Variants in EPHX4 observed in about 807,000 individuals in gnomAD.
EPHX4 encodes abhydrolase domain containing 7.
Under a neutral mutation model 44.9 loss-of-function variants are expected in EPHX4, and 31 were observed. That is an observed-to-expected ratio of 0.69 (90% confidence interval 0.52 to 0.93). The LOEUF is 0.93. Ranked by LOEUF, EPHX4 falls within the 40% of genes least tolerant of loss-of-function variation. EPHX4 has a pLI of 0.00. For synonymous variants in EPHX4, 151 were observed against 159.7 expected (o/e 0.95, Z 0.41); for missense variants, 373 against 438.1 (o/e 0.85, Z 1.33).
intron 3 of EPHX4, among the ~76,000 whole-genome samples, chr1:92,045,124 G>C (rs973553127): frequency 6.6e-6 from 1 of 151,938 alleles, no homozygotes; most frequent in Admixed American, 6.6e-5. Flanking sequence ...CACCACACCT[G>C]GATAATTTCT....
At position 92,063,389 on chromosome 1, in the gene EPHX4, A is replaced by G; in HGVS notation, c.*103A>G. Reference sequence around the variant, plus strand: ...GTTTTATTAGAAAAAAACTGTTTTAATGTGCTTTATCATAAATAAATATCC... The same window carrying G: ...GTTTTATTAGAAAAAAACTGTTTTAGTGTGCTTTATCATAAATAAATATCC... On this transcript the variant is annotated 3_prime_UTR_variant, in exon 7 of 7. Transcript: ENST00000370383. 1.2e-6 allele frequency: 1 copy of G among 868,712 alleles called. No individual in the cohort carries two copies. The highest frequency in any genetic ancestry group is 1.7e-6 in the Non-Finnish European group (1 of 589,612). 53.8% of individuals were successfully genotyped at this position (868,712 alleles called of 1,614,324 possible).
At chr1:92,034,432 T>C (rs1688407457) in intron 2 of EPHX4, among the ~76,000 whole-genome samples, 1 of 152,072 alleles carries the variant, frequency 6.6e-6, no homozygotes, top group South Asian at 2.1e-4. Flanking sequence ...AAAGCCCAGT[T>C]CCCTTAGTTG....
intron 6 of EPHX4, among the ~76,000 whole-genome samples, chr1:92,058,797 A>C (rs1647427334): frequency 6.6e-6 from 1 of 152,202 alleles, no homozygotes; most frequent in Admixed American, 6.5e-5. Flanking sequence ...CAAAACCTCT[A>C]TTAAAATGGT....
At chr1:92,057,825 T>A (rs1336461236) in intron 6 of EPHX4, among the ~76,000 whole-genome samples, 1 of 152,110 alleles carries the variant, frequency 6.6e-6, no homozygotes, top group South Asian at 2.1e-4. Context: ...GTCTCGGAAC[T>A]CCTGACCTCA....
chr1:92,042,544 G>C (rs1385569464), intron 2 of EPHX4, among the ~76,000 whole-genome samples: 1 of 151,860 alleles, frequency 6.6e-6, no homozygotes, highest in Non-Finnish European at 1.5e-5. Flanking sequence ...GGCAACATAG[G>C]GAGACCCCGT....
intron 6 of EPHX4, among the ~76,000 whole-genome samples, chr1:92,056,969 G>C (rs753242699): frequency 3.3e-5 from 5 of 151,110 alleles, no homozygotes; most frequent in Non-Finnish European, 7.4e-5. Context: ...AATAACTCTG[G>C]GTAAAAAATC....
In EPHX4 at chr1:92,045,712, T is replaced by G. The variant is rs1451818794; in HGVS notation, c.604+52T>G. 3.1e-6 allele frequency: 5 copies of G among 1,605,260 alleles called. No homozygotes were observed. In the African/African-American group the frequency reaches 4.0e-5, roughly 13 times the overall value. On this transcript the variant is annotated intron_variant, in intron 4 of 6. Coordinates refer to ENST00000370383, the MANE Select transcript of EPHX4 (RefSeq NM_173567.5). ...TTCTGCTAATGTGACAATTCACTCTTGCCACTGACCTTTTGGATTAGAAAC... is the reference window on the plus strand; with the variant it reads ...TTCTGCTAATGTGACAATTCACTCTGGCCACTGACCTTTTGGATTAGAAAC...
chr1:92,050,281 C>T (rs778510347), intron 4 of EPHX4, 36 bp from the exon 5 acceptor site: 2 of 1,303,208 alleles, frequency 1.5e-6, no homozygotes, highest in South Asian at 1.3e-5. Flanking sequence ...AATTTATACC[C>T]CTTGGATAAG....
intron 6 of EPHX4, among the ~76,000 whole-genome samples, chr1:92,056,277 C>A (rs1647369747): frequency 6.6e-6 from 1 of 152,032 alleles, no homozygotes; most frequent in Admixed American, 6.6e-5. Flanking sequence ...ATGAAAATAG[C>A]CCTCATTTAT....
chr1:92,055,490 A>G (rs1024965085), intron 6 of EPHX4, among the ~76,000 whole-genome samples: 4 of 152,170 alleles, frequency 2.6e-5, no homozygotes, highest in African/African-American at 9.6e-5. Flanking sequence ...ACAAATATAT[A>G]TATATCTTTG....
At chr1:92,062,584 C>CAA (rs1167530513) in intron 6 of EPHX4, among the ~76,000 whole-genome samples, 27 of 20,046 alleles carry the variant, frequency 1.3e-3, no homozygotes, top group Admixed American at 2.7e-3. Flanking sequence ...AACTCCATCT[C>CAA]AAAAAAAAAA....
chr1:92,047,503 A>G (rs749547090), intron 4 of EPHX4, among the ~76,000 whole-genome samples: 1 of 152,228 alleles, frequency 6.6e-6, no homozygotes, highest in African/African-American at 2.4e-5. Flanking sequence ...GAGACAGCAG[A>G]ACTGCTTTAT....
chr1:92,051,203 T>A (rs915950316), intron 5 of EPHX4, among the ~76,000 whole-genome samples: 3 of 152,020 alleles, frequency 2.0e-5, no homozygotes, highest in Non-Finnish European at 4.4e-5. Context: ...AATATAATTT[T>A]ACCTGTAAAT....
In EPHX4 at chr1:92,045,650, T is replaced by C; in HGVS notation, c.594T>C (p.Asn198=). 1 of 1,614,082 alleles carries C rather than the reference T, an allele frequency of 6.2e-7. No homozygotes were observed. Among genetic ancestry groups the C allele is most frequent in the Non-Finnish European group, 8.5e-7 (1 of 1,179,968 alleles). ...KLIVINFPHP[N]VFTEYILRHP... is the part of the protein sequence containing the mutation. ...TTGTTATTAACTTCCCTCATCCAAATGTATTTACAGGTGAGTTCAAGTTTT... is the reference window on the plus strand; with the variant it reads ...TTGTTATTAACTTCCCTCATCCAAACGTATTTACAGGTGAGTTCAAGTTTT... Residue 198 remains asparagine (N), a synonymous_variant, in exon 4 of 7, where the codon AAT becomes AAC. Transcript: ENST00000370383.
chr1:92,050,600 C>T (rs1647231882), intron 5 of EPHX4, among the ~76,000 whole-genome samples, 180 bp downstream of exon 5: 1 of 151,630 alleles, frequency 6.6e-6, no homozygotes, highest in Non-Finnish European at 1.5e-5. Flanking sequence ...ATTTAAATAC[C>T]TGGCTGTTCT....
chr1:92,041,264 G>C (rs779976868), intron 2 of EPHX4, among the ~76,000 whole-genome samples: 4 of 152,080 alleles, frequency 2.6e-5, no homozygotes, highest in Admixed American at 6.5e-5. Flanking sequence ...TATCACTCTT[G>C]CTTATTCTCA....
intron 6 of EPHX4, among the ~76,000 whole-genome samples, chr1:92,062,335 C>T (rs937490087): frequency 6.6e-6 from 1 of 151,796 alleles, no homozygotes; most frequent in Non-Finnish European, 1.5e-5. Context: ...GCTGTAATCC[C>T]AGCACTTTGG....
At chr1:92,031,958 G>A (rs1688367876) in intron 1 of EPHX4, among the ~76,000 whole-genome samples, 5 of 152,132 alleles carry the variant, frequency 3.3e-5, no homozygotes, top group Admixed American at 3.3e-4. Flanking sequence ...AATGTGGGAA[G>A]GAGAGACCTA....
At chr1:92,030,434 G>A in intron 1 of EPHX4, 124 bp downstream of exon 1, 1 of 717,780 alleles carries the variant, frequency 1.4e-6, no homozygotes, top group Non-Finnish European at 2.1e-6. Context: ...CAGGAGGGGA[G>A]GAGGGGTTGG....
Sources: gnomAD v4.1 joint callset for allele counts (sites outside exome capture counted in the v4.1 genomes callset) on GRCh38, gnomAD v4.1.1 for gene constraint, MANE v1.5 for transcripts, NCBI Gene and HGNC (gene_info 2026-07-23, HGNC 2026-07-21) for gene names.